Variants in FNIP2 observed in about 807,000 individuals in gnomAD.
The protein encoded by FNIP2 is folliculin-interacting protein 2.
FNIP2 carries 32 observed loss-of-function variants against 108.7 expected under a neutral mutation model. That is an observed-to-expected ratio of 0.29 (90% CI 0.22 to 0.40). The LOEUF (loss-of-function observed/expected upper bound fraction) is 0.40. Among genes scored for constraint, FNIP2 ranks in the 10% least tolerant of loss-of-function variants. The pLI is 1.00. For synonymous variants in FNIP2, 480 were observed against 496.7 expected (o/e 0.97, Z 0.45); for missense variants, 1,202 against 1,381.6 (o/e 0.87, Z 2.06).
chr4:158,781,554 G>A (rs907230327), intron 1 of FNIP2, among the ~76,000 whole-genome samples: 2 of 151,964 alleles, frequency 1.3e-5, no homozygotes, highest in Admixed American at 6.5e-5. Context: ...TCACTCTGTC[G>A]CCCAGGCTGG....
At chr4:158,867,531 C>T (rs572856100) in intron 12 of FNIP2, among the ~76,000 whole-genome samples, 79 of 152,220 alleles carry the variant, frequency 5.2e-4, no homozygotes, top group Non-Finnish European at 7.3e-4. Context: ...AACCTTCAGA[C>T]TCATTCATGA....
intron 1 of FNIP2, among the ~76,000 whole-genome samples, chr4:158,807,764 G>GT (rs1472203019): frequency 2.6e-5 from 4 of 152,292 alleles, no homozygotes; most frequent in African/African-American, 9.6e-5. Context: ...CCATTACAGC[G>GT]TAAGAGCACA....
At chr4:158,803,460 T>G (rs1776830307) in intron 1 of FNIP2, among the ~76,000 whole-genome samples, 1 of 152,226 alleles carries the variant, frequency 6.6e-6, no homozygotes, top group African/African-American at 2.4e-5. Flanking sequence ...ACATACCTCC[T>G]CTTAGTTACT....
intron 1 of FNIP2, among the ~76,000 whole-genome samples, chr4:158,790,449 G>GA (rs1168745909): frequency 6.6e-6 from 1 of 151,978 alleles, no homozygotes. Context: ...GGCACAAGGA[G>GA]ACCTTACAGA....
intron 14 of FNIP2, among the ~76,000 whole-genome samples, chr4:158,879,449 T>A (rs1781465218): frequency 6.7e-6 from 1 of 150,096 alleles, no homozygotes; most frequent in Admixed American, 6.6e-5. Flanking sequence ...CAGGGAAGAG[T>A]GCAGGGCATA....
rs546971617 is a variant in FNIP2, at chr4:158,801,868, T to C, written c.108-24048T>C. On this transcript the variant is annotated intron_variant, in intron 1 of 16. Transcript: ENST00000264433. ...GAGGATGGCCTGCTGCTTAGCTAGC[T>C]GTTAGGAACTATCCATGGTCATGTT... 9.9e-4 allele frequency among the ~76,000 whole-genome samples: 151 copies of C among 152,278 alleles called. 2 individuals are homozygous for C. Among genetic ancestry groups the C allele is most frequent in the Non-Finnish European group, 1.3e-4 (9 of 68,032 alleles).
intron 14 of FNIP2, among the ~76,000 whole-genome samples, chr4:158,885,353 G>T (rs982709782): frequency 6.6e-6 from 1 of 152,156 alleles, no homozygotes; most frequent in Non-Finnish European, 1.5e-5. Flanking sequence ...TACAGATTGG[G>T]TGGGCCCAGG....
chr4:158,900,216 T>G (rs533579084), intron 16 of FNIP2, among the ~76,000 whole-genome samples: 3 of 152,108 alleles, frequency 2.0e-5, no homozygotes, highest in South Asian at 4.1e-4. Context: ...GAGACTGTTA[T>G]GATTTCCATT....
intron 14 of FNIP2, among the ~76,000 whole-genome samples, chr4:158,875,492 A>G (rs1399656284): frequency 4.4e-5 from 6 of 137,260 alleles, no homozygotes; most frequent in African/African-American, 1.8e-4. Context: ...ACAGATAAAG[A>G]GCTTTGCTAA....
At chr4:158,893,800 A>C in intron 15 of FNIP2, 1 of 896,852 alleles carries the variant, frequency 1.1e-6, no homozygotes, top group South Asian at 1.6e-5. Context: ...TCTATAATAC[A>C]TACGTCTTGT....
intron 14 of FNIP2, among the ~76,000 whole-genome samples, chr4:158,873,146 A>T (rs903196911): frequency 2.9e-5 from 4 of 140,304 alleles, no homozygotes; most frequent in Non-Finnish European, 6.2e-5. Flanking sequence ...AAATAGCGTT[A>T]AAAAAAAAAA....
intron 10 of FNIP2, 47 bp from the exon 11 acceptor site, chr4:158,861,295 A>G (rs1464136356): frequency 6.4e-7 from 1 of 1,569,824 alleles, no homozygotes; most frequent in Non-Finnish European, 8.6e-7. Context: ...ATTATCCAAA[A>G]TAGTATTTCT....
chr4:158,819,864 T>C (rs997888988), intron 1 of FNIP2, among the ~76,000 whole-genome samples: 4 of 152,170 alleles, frequency 2.6e-5, no homozygotes, highest in African/African-American at 9.7e-5. Context: ...TTTCTGTTTG[T>C]ACTTAGAAGG....
intron 14 of FNIP2, 63 bp downstream of exon 14, chr4:158,870,532 C>T: frequency 6.5e-7 from 1 of 1,542,128 alleles, no homozygotes; most frequent in Non-Finnish European, 8.8e-7. Flanking sequence ...TCTTGGCTGA[C>T]AACAGGTGTT....
chr4:158,773,827 AGGTGACGG>A (rs1775773915), intron 1 of FNIP2, among the ~76,000 whole-genome samples: 6 of 152,206 alleles, frequency 3.9e-5, no homozygotes, highest in Admixed American at 3.9e-4. Context: ...AACCTGGTAG[AGGTGACGG>A]GGTGTCAGAA....
chr4:158,854,547 A>G (rs1779879524), intron 8 of FNIP2, among the ~76,000 whole-genome samples: 1 of 152,232 alleles, frequency 6.6e-6, no homozygotes, highest in African/African-American at 2.4e-5. Context: ...TGCCCTCCCC[A>G]TCATAAGGGT....
At position 158,868,844 on chromosome 4, in the gene FNIP2, A is replaced by G. The variant is rs1490318934; in HGVS notation, c.2208A>G (p.Lys736=). ...AGTCTGACTTTGAAAGCCGCATGAA[A>G]AAAATGGAGGAACGGGTGAAGGCCT... ...SPESDFESRM[K]KMEERVKACG... Residue 736 remains lysine (K), a synonymous_variant, in exon 13 of 17, where the codon AAA becomes AAG. Coordinates refer to ENST00000264433, the MANE Select transcript of FNIP2 (RefSeq NM_020840.3). The surrounding 1 kb of genome is among the most constrained non-coding windows in gnomAD (Gnocchi z 4.6). 2 of 1,613,916 alleles carry G rather than the reference A, an allele frequency of 1.2e-6. No homozygotes were observed. Among genetic ancestry groups the G allele is most frequent in the Non-Finnish European group, 1.7e-6 (2 of 1,179,902 alleles).
At chr4:158,892,182 G>A (rs1228631161) in intron 15 of FNIP2, among the ~76,000 whole-genome samples, 1 of 137,786 alleles carries the variant, frequency 7.3e-6, no homozygotes, top group Non-Finnish European at 1.5e-5. Flanking sequence ...TCACTCTGGA[G>A]TGAGTAGTGC....
At chr4:158,875,274 C>T (rs1306048802) in intron 14 of FNIP2, among the ~76,000 whole-genome samples, 5 of 152,014 alleles carry the variant, frequency 3.3e-5, no homozygotes, top group Admixed American at 3.3e-4. Flanking sequence ...GCAGACTGGA[C>T]AGCTCTAACT....
Sources: allele counts gnomAD v4.1 joint callset (sites outside exome capture counted in the v4.1 genomes callset), GRCh38; gene constraint gnomAD v4.1.1; non-coding constraint Gnocchi (gnomAD v3.1); transcripts MANE v1.5; gene names NCBI Gene and HGNC (gene_info 2026-07-23, HGNC 2026-07-21).